The following ASAP2 variants were observed in gnomAD, a reference collection of about 807,000 sequenced individuals.
ASAP2 encodes arf-GAP with SH3 domain, ANK repeat and PH domain-containing protein 2.
A neutral mutation model predicts 131.4 loss-of-function variants in ASAP2; 45 were observed. The ratio of observed to expected loss-of-function variants is 0.34; its 90% CI spans 0.27 to 0.44. The LOEUF is 0.44. Ranked by LOEUF, ASAP2 falls within the 20% of genes least tolerant of loss-of-function variation. The probability of loss-of-function intolerance (pLI) is 1.00; values close to 1 mark genes in which losing one functional copy is unlikely to be tolerated. For missense variants in ASAP2, 1,011 were observed against 1,297.0 expected, an observed-to-expected ratio of 0.78 and a Z score of 3.39; for synonymous variants, 510 against 503.0, an observed-to-expected ratio of 1.01 and a Z score of -0.19.
chr2:9,347,165 ATAAAG>A (rs1336832105), intron 11 of ASAP2, among the ~76,000 whole-genome samples: 2 of 152,158 alleles, frequency 1.3e-5, no homozygotes, highest in Non-Finnish European at 2.9e-5. Flanking sequence ...ATGCAGAAAA[ATAAAG>A]TAGTTTTCCA....
rs1300043631 is a variant in ASAP2 at position 9,350,913 on chromosome 2, A to G, written c.1111+18A>G. ...CATTTCACGTAAGGCTCCCTCTGAG[A>G]TGCCGCGCCATAGAGACGTTGTCTT... is the stretch of plus-strand genomic sequence containing the variant. On this transcript the variant is annotated intron_variant, in intron 12 of 27. Transcript: ENST00000281419. 2 of 1,581,442 alleles carry G rather than the reference A, an allele frequency of 1.3e-6. No individual in the cohort carries two copies. The highest frequency in any genetic ancestry group is 1.7e-6 in the Non-Finnish European group (2 of 1,154,618).
chr2:9,376,847 G>A, intron 17 of ASAP2, 61 bp from the exon 18 acceptor site: 1 of 1,459,710 alleles, frequency 6.9e-7, no homozygotes, highest in Non-Finnish European at 9.6e-7. Context: ...TTTCACCGGT[G>A]TTGGACACAG....
intron 1 of ASAP2, among the ~76,000 whole-genome samples, chr2:9,230,461 C>T (rs1663078484): frequency 6.6e-6 from 1 of 152,206 alleles, no homozygotes; most frequent in South Asian, 2.1e-4. Flanking sequence ...CTGGAACCTG[C>T]AGGCAAAAAC....
At chr2:9,400,876 G>A (rs1177041317) in intron 26 of ASAP2, 46 bp downstream of exon 26, 4 of 1,569,162 alleles carry the variant, frequency 2.5e-6, no homozygotes, top group African/African-American at 1.4e-5. Context: ...TAGCCAGGGG[G>A]GTGCAGGTGG....
rs774923338 is a variant in ASAP2, at chr2:9,356,290, C to T, written c.1272C>T (p.Ile424=). ...NIVQELTKEI[I]SEVQRMTGND... ...TCCAAGAACTGACAAAGGAGATCAT[C>T]TCAGAAGTGCAGAGGATGACGGGCA... Residue 424 remains isoleucine, a synonymous_variant, in exon 14 of 28, where the codon ATC becomes ATT. Transcript: ENST00000281419. The T allele has an allele frequency of 2.5e-6, 4 of 1,613,630 alleles. No individual in the cohort carries two copies. In the African/African-American group the frequency reaches 5.3e-5, roughly 22 times the overall value.
intron 15 of ASAP2, among the ~76,000 whole-genome samples, chr2:9,361,820 C>G (rs550203118): frequency 6.6e-6 from 1 of 152,204 alleles, no homozygotes; most frequent in Non-Finnish European, 1.5e-5. Flanking sequence ...CTGCTTTGGC[C>G]TCCCAAAATG....
In ASAP2 at chr2:9,324,214, G is replaced by A. The variant is rs573608927; in HGVS notation, c.600+964G>A. 2.0e-5 allele frequency among the ~76,000 whole-genome samples: 3 copies of A among 152,334 alleles called. No homozygotes were observed. In the East Asian group the frequency reaches 5.8e-4, roughly 29 times the overall value. ...GAATGTATGTTTGTTAATTGTAGCA[G>A]GAGCTTAACCCTTATAAATACATAT... On this transcript the variant is annotated intron_variant, in intron 6 of 27. Transcript: ENST00000281419.
chr2:9,331,946 G>A (rs1439012051), intron 7 of ASAP2, among the ~76,000 whole-genome samples: 2 of 152,114 alleles, frequency 1.3e-5, no homozygotes, highest in Non-Finnish European at 1.5e-5. Context: ...GGAGGGGCGG[G>A]TGTCACAGAC....
chr2:9,285,976 ATAT>A, intron 2 of ASAP2, among the ~76,000 whole-genome samples: 2 of 152,356 alleles, frequency 1.3e-5, no homozygotes, highest in Middle Eastern at 6.8e-3. Context: ...GTTAATTGGA[ATAT>A]GATATTAAAA....
At chr2:9,318,874 G>T (rs1361854598) in intron 4 of ASAP2, among the ~76,000 whole-genome samples, 2 of 152,252 alleles carry the variant, frequency 1.3e-5, no homozygotes, top group African/African-American at 4.8e-5. Context: ...AAAAAGTAAA[G>T]AGTTTCGGTC....
At chr2:9,368,290 T>C in intron 15 of ASAP2, 135 bp from the exon 16 acceptor site, 4 of 775,406 alleles carry the variant, frequency 5.2e-6, no homozygotes, top group Admixed American at 2.4e-5. Flanking sequence ...TTTGTCCATC[T>C]TCATTAAAGG....
chr2:9,334,844 A>T, intron 8 of ASAP2, 31 bp downstream of exon 8: 1 of 1,583,570 alleles, frequency 6.3e-7, no homozygotes, highest in Non-Finnish European at 8.7e-7. Flanking sequence ...TGTGGTTTAA[A>T]ACCATCTTAA....
chr2:9,283,141 G>A (rs1218793074), intron 2 of ASAP2, among the ~76,000 whole-genome samples: 3 of 151,976 alleles, frequency 2.0e-5, no homozygotes, highest in Non-Finnish European at 2.9e-5. Flanking sequence ...GCAGTGGCAT[G>A]ATCTCGGCTC....
chr2:9,215,577 A>G (rs1044016575), intron 1 of ASAP2, among the ~76,000 whole-genome samples: 10 of 152,094 alleles, frequency 6.6e-5, no homozygotes, highest in African/African-American at 2.4e-4. Flanking sequence ...ATGAAAATAC[A>G]GATAATTTTT....
chr2:9,212,615 C>T (rs930508745), intron 1 of ASAP2, among the ~76,000 whole-genome samples: 8 of 152,152 alleles, frequency 5.3e-5, no homozygotes, highest in Admixed American at 1.3e-4. Flanking sequence ...CCCATGCACC[C>T]CACGTTTCCA....
At chr2:9,221,584 T>C (rs1662423357) in intron 1 of ASAP2, among the ~76,000 whole-genome samples, 1 of 152,208 alleles carries the variant, frequency 6.6e-6, no homozygotes, top group African/African-American at 2.4e-5. Context: ...GTTTTCTTAA[T>C]TTCATTTCTG....
intron 9 of ASAP2, 66 bp downstream of exon 9, chr2:9,335,245 A>T: frequency 7.0e-7 from 1 of 1,429,286 alleles, no homozygotes; most frequent in South Asian, 1.2e-5. Flanking sequence ...GGGTCTGAAG[A>T]ACATGAAGTT....
chr2:9,216,905 T>G (rs2147960195), intron 1 of ASAP2, among the ~76,000 whole-genome samples: 1 of 152,294 alleles, frequency 6.6e-6, no homozygotes, highest in South Asian at 2.1e-4. Context: ...AGCCTCCCCC[T>G]TGTCTTTTCT....
At chr2:9,342,905 C>G (rs762812194) in intron 9 of ASAP2, among the ~76,000 whole-genome samples, 1 of 152,218 alleles carries the variant, frequency 6.6e-6, no homozygotes, top group Non-Finnish European at 1.5e-5. Context: ...TGATTCTGTG[C>G]CAGTTCTTGC....
Sources: gnomAD v4.1 joint callset for allele counts (sites outside exome capture counted in the v4.1 genomes callset) on GRCh38, gnomAD v4.1.1 for gene constraint, MANE v1.5 for transcripts, NCBI Gene and HGNC (gene_info 2026-07-23, HGNC 2026-07-21) for gene names.